GNE: variants seen among roughly 807,000 people sequenced by gnomAD.
GNE encodes bifunctional UDP-N-acetylglucosamine 2-epimerase/N-acetylmannosamine kinase.
Under a neutral mutation model 61.8 loss-of-function variants are expected in GNE, and 41 were observed. The observed-to-expected ratio is 0.66, with a 90% CI of 0.52 to 0.86. The LOEUF (loss-of-function observed/expected upper bound fraction) is 0.86, where lower values mean the gene tolerates loss of function less well. Ranked by LOEUF, GNE falls within the 40% of genes least tolerant of loss-of-function variation. GNE has a pLI of 0.00. For missense variants in GNE, 608 were observed against 909.1 expected, an observed-to-expected ratio of 0.67 and a Z score of 4.26; for synonymous variants, 264 against 326.4, an observed-to-expected ratio of 0.81 and a Z score of 2.06.
At chr9:36,235,655 G>T (rs1366848228) in intron 4 of GNE, among the ~76,000 whole-genome samples, 1 of 152,044 alleles carries the variant, frequency 6.6e-6, no homozygotes, top group Non-Finnish European at 1.5e-5. Context: ...TAACATTTTT[G>T]AAATATTGAT....
At chr9:36,224,785 G>A (rs965992367) in intron 7 of GNE, among the ~76,000 whole-genome samples, 3 of 151,916 alleles carry the variant, frequency 2.0e-5, no homozygotes, top group Non-Finnish European at 4.4e-5. Context: ...CTGGAGAATC[G>A]CTTGAACCCA....
intron 9 of GNE, 57 bp downstream of exon 9, chr9:36,222,720 A>G: frequency 8.8e-7 from 1 of 1,138,138 alleles, no homozygotes; most frequent in Middle Eastern, 2.6e-4. Context: ...ACCATGTTGA[A>G]GACATGCTCC....
chr9:36,270,016 C>T (rs1362577621), intron 1 of GNE, among the ~76,000 whole-genome samples: 1 of 152,094 alleles, frequency 6.6e-6, no homozygotes, highest in Non-Finnish European at 1.5e-5. Context: ...GCTTGTAGTG[C>T]AGTGGTATGG....
chr9:36,268,044 C>G (rs7035961), intron 1 of GNE: 119,052 of 152,008 alleles, frequency 0.78, 47,203 homozygotes, highest in African/African-American at 0.85. Flanking sequence ...GAAGCTGAAG[C>G]GGGAGGATCG....
chr9:36,264,879 G>T (rs56701508), intron 1 of GNE: 1 of 156,900 alleles, frequency 6.4e-6, no homozygotes, highest in Non-Finnish European at 1.4e-5. Flanking sequence ...AGCCGGCAAC[G>T]GCTACCCTCT....
intron 5 of GNE, among the ~76,000 whole-genome samples, chr9:36,233,551 C>T (rs1444260013): frequency 6.6e-6 from 1 of 152,056 alleles, no homozygotes; most frequent in Non-Finnish European, 1.5e-5. Context: ...CCTGTAGTCC[C>T]AGCTACTTGG....
intron 11 of GNE, 42 bp from the exon 12 acceptor site, chr9:36,217,642 C>G: frequency 8.1e-7 from 1 of 1,234,296 alleles, no homozygotes; most frequent in Non-Finnish European, 1.2e-6. Context: ...TGAGAGAAGC[C>G]AAAATCAAAA....
At chr9:36,258,450 AC>A (rs1830490276), upstream of GNE, 1 of 985,342 alleles carries the variant, frequency 1.0e-6, no homozygotes. Flanking sequence ...CGGGTAGACG[AC>A]TCGTCGCTCG....
chr9:36,239,928 T>TGTAATAGG (rs912925368), intron 3 of GNE, among the ~76,000 whole-genome samples: 1 of 152,022 alleles, frequency 6.6e-6, no homozygotes, highest in African/African-American at 2.4e-5. Flanking sequence ...TTGCAGCTGT[T>TGTAATAGG]GTAATAGGGG....
At chr9:36,255,310 C>A (rs1830285922) in intron 1 of GNE, among the ~76,000 whole-genome samples, 1 of 151,886 alleles carries the variant, frequency 6.6e-6, no homozygotes, top group Admixed American at 6.6e-5. Context: ...CGGGTTCAAT[C>A]AATTCTCCTG....
chr9:36,222,214 C>T (rs1457154687), intron 9 of GNE, among the ~76,000 whole-genome samples: 1 of 151,792 alleles, frequency 6.6e-6, no homozygotes, highest in Non-Finnish European at 1.5e-5. Flanking sequence ...GTCAGGAGAT[C>T]GAGACCATCC....
intron 1 of GNE, among the ~76,000 whole-genome samples, chr9:36,269,292 T>A (rs185458741): frequency 1.3e-3 from 205 of 152,046 alleles, no homozygotes; most frequent in Non-Finnish European, 2.7e-3. Context: ...CACTCTCTTA[T>A]GATTAGCTCC....
intron 1 of GNE, 100 bp from the exon 2 acceptor site, chr9:36,249,497 G>A (rs1386254939): frequency 6.6e-6 from 5 of 756,860 alleles, no homozygotes; most frequent in Non-Finnish European, 8.6e-6. Context: ...TCAGTTTCAA[G>A]TCCTTAACCA....
rs1203445112 is a variant in GNE at position 36,220,039 on chromosome 9, A to G, written c.1634-19T>C. 6.2e-7 allele frequency: 1 copy of G among 1,605,678 alleles called. No homozygotes were observed. Among genetic ancestry groups the G allele is most frequent in the Admixed American group, 1.7e-5 (1 of 59,994 alleles). On this transcript the variant is annotated intron_variant, in intron 9 of 11. Coordinates refer to ENST00000642385, the MANE Select transcript of GNE (RefSeq NM_005476.7). ...CCGATTCCTACAGCGAGGGATAGAA[A>G]TCACTGAGGGTGCTTTACCTGAAAC...
At chr9:36,225,013 T>G (rs1270066563) in intron 7 of GNE, among the ~76,000 whole-genome samples, 1 of 152,268 alleles carries the variant, frequency 6.6e-6, no homozygotes, top group Non-Finnish European at 1.5e-5. Context: ...AATTCCACTG[T>G]GATTTACAAT....
chr9:36,253,293 TA>T (rs929144060), intron 1 of GNE, among the ~76,000 whole-genome samples: 265 of 148,006 alleles, frequency 1.8e-3, no homozygotes, highest in Non-Finnish European at 1.8e-3. Flanking sequence ...TTTTTTTTTT[TA>T]AAATACAGTC....
intron 1 of GNE, among the ~76,000 whole-genome samples, chr9:36,268,958 T>C (rs1830911659): frequency 1.3e-5 from 2 of 151,730 alleles, no homozygotes; most frequent in South Asian, 4.2e-4. Flanking sequence ...GGCGAAACCC[T>C]ATCTCTACTA....
In GNE at chr9:36,216,327, A is replaced by ATGTGTGTGTGCGTGTGTGTGTGTG; in HGVS notation, c.*1037_*1038insCACACACACACACGCACACACACA. 8.4e-6 allele frequency: 3 copies of ATGTGTGTGTGCGTGTGTGTGTGTG among 355,724 alleles called. No homozygotes were observed. The highest frequency in any genetic ancestry group is 5.8e-6 in the Non-Finnish European group (1 of 171,796). The allele number at this position is 355,724 out of a possible 1,614,324, so 22.0% of individuals were successfully genotyped here. ...TTAGTTTGGGGTTAGAGGAGGAAGG[A>ATGTGTGTGTGCGTGTGTGTGTGTG]TGTGTGTGTGTGTGTGTGTGTGTGT... On this transcript the variant is annotated 3_prime_UTR_variant, in exon 12 of 12. Transcript: ENST00000642385.
intron 1 of GNE, chr9:36,276,795 C>G (rs1208578631): frequency 6.5e-6 from 6 of 926,010 alleles, no homozygotes; most frequent in Non-Finnish European, 1.0e-5. Flanking sequence ...GATTTAAAAC[C>G]AAAGCTTTCC....
Sources: gnomAD v4.1 joint callset for allele counts (sites outside exome capture counted in the v4.1 genomes callset) on GRCh38, gnomAD v4.1.1 for gene constraint, MANE v1.5 for transcripts, NCBI Gene and HGNC (gene_info 2026-07-23, HGNC 2026-07-21) for gene names.